Variants in SLC39A10 observed in about 807,000 individuals in gnomAD.
SLC39A10 encodes the protein zinc transporter ZIP10.
Under a neutral mutation model 65.1 loss-of-function variants are expected in SLC39A10, and 13 were observed. The ratio of observed to expected loss-of-function variants is 0.20; its 90% CI spans 0.13 to 0.32. The LOEUF (loss-of-function observed/expected upper bound fraction) is 0.32, where lower values mean the gene tolerates loss of function less well. Ranked by LOEUF, SLC39A10 falls within the 10% of genes least tolerant of loss-of-function variation. SLC39A10 has a pLI of 1.00. For synonymous variants in SLC39A10, 321 were observed against 342.2 expected, an observed-to-expected ratio of 0.94 and a Z score of 0.68; for missense variants, 831 against 1,018.4, an observed-to-expected ratio of 0.82 and a Z score of 2.50.
chr2:195,660,534 A>C (rs1400352538), intron 1 of SLC39A10, among the ~76,000 whole-genome samples: 29 of 152,228 alleles, frequency 1.9e-4, no homozygotes, highest in Admixed American at 1.9e-3. Flanking sequence ...TGTTTAAATT[A>C]CAATTAGATT....
chr2:195,635,356 T>A (rs1688676541), intron 2 of SLC39A10, among the ~76,000 whole-genome samples: 1 of 152,222 alleles, frequency 6.6e-6, no homozygotes, highest in East Asian at 1.9e-4. Flanking sequence ...ATCAATTGGC[T>A]TAATTCAGCA....
intron 1 of SLC39A10, among the ~76,000 whole-genome samples, chr2:195,672,444 G>C (rs1689901867): frequency 6.6e-6 from 1 of 152,042 alleles, no homozygotes; most frequent in African/African-American, 2.4e-5. Flanking sequence ...AAATGATTCT[G>C]AAAGCATACA....
At chr2:195,707,435 A>G (rs1691447218) in intron 4 of SLC39A10, among the ~76,000 whole-genome samples, 1 of 152,032 alleles carries the variant, frequency 6.6e-6, no homozygotes, top group Non-Finnish European at 1.5e-5. Context: ...AACAATGGGG[A>G]TTTTTCTTTT....
chr2:195,730,923 G>GA (rs1692413983), intron 9 of SLC39A10, among the ~76,000 whole-genome samples: 1 of 152,150 alleles, frequency 6.6e-6, no homozygotes, highest in African/African-American at 2.4e-5. Flanking sequence ...TTGTTTGCCA[G>GA]AAAGTCCTGA....
At chr2:195,639,904 T>G (rs986191014) in intron 2 of SLC39A10, among the ~76,000 whole-genome samples, 1 of 152,222 alleles carries the variant, frequency 6.6e-6, no homozygotes, top group Non-Finnish European at 1.5e-5. Flanking sequence ...CATAAATTAT[T>G]TGGAATTCTT....
intron 3 of SLC39A10, among the ~76,000 whole-genome samples, chr2:195,684,711 C>T (rs889024185): frequency 2.0e-5 from 3 of 151,930 alleles, no homozygotes; most frequent in South Asian, 2.1e-4. Flanking sequence ...TCCACTCTGT[C>T]ATAACAATTC....
chr2:195,614,096 A>G (rs1688155392), intron 2 of SLC39A10, among the ~76,000 whole-genome samples: 1 of 152,172 alleles, frequency 6.6e-6, no homozygotes, highest in African/African-American at 2.4e-5. Flanking sequence ...TTGTGAGATC[A>G]TTCATTCTAT....
chr2:195,659,862 C>T (rs1355968379), intron 1 of SLC39A10, among the ~76,000 whole-genome samples: 1 of 152,156 alleles, frequency 6.6e-6, no homozygotes, highest in African/African-American at 2.4e-5. Context: ...TCTCCCTCCA[C>T]TCCCTCCTTG....
rs1260966842 is a variant in SLC39A10, at chr2:195,657,298, G to C, written c.-12+17G>C. On this transcript the variant is annotated intron_variant, in intron 1 of 9. Coordinates refer to ENST00000359634, the MANE Select transcript of SLC39A10 (RefSeq NM_020342.3). ...GAGTGTGAGGTAACTATAAAACCCC[G>C]ATTTGTTTACATTCCCTCCCCCAGA... 13 of 794,726 alleles carry C rather than the reference G, an allele frequency of 1.6e-5. No individual in the cohort carries two copies. Among genetic ancestry groups the C allele is most frequent in the Non-Finnish European group, 1.8e-5 (12 of 655,762 alleles). 49.2% of individuals were successfully genotyped at this position (794,726 alleles called of 1,614,324 possible). A position where few individuals can be genotyped will look rare whatever the true frequency, so the allele number is the denominator to read the frequency against.
At chr2:195,694,668 G>C (rs1212663057) in intron 3 of SLC39A10, among the ~76,000 whole-genome samples, 2 of 152,164 alleles carry the variant, frequency 1.3e-5, no homozygotes, top group African/African-American at 4.8e-5. Context: ...GAGTGAAATG[G>C]ACACTGTGAA....
chr2:195,670,846 T>A (rs1559025402), intron 1 of SLC39A10, among the ~76,000 whole-genome samples: 1 of 152,198 alleles, frequency 6.6e-6, no homozygotes, highest in African/African-American at 2.4e-5. Flanking sequence ...TAAGTATGGA[T>A]GTGTTTCTAG....
intron 1 of SLC39A10, among the ~76,000 whole-genome samples, chr2:195,659,064 A>G (rs1216771344): frequency 6.6e-6 from 1 of 152,216 alleles, no homozygotes; most frequent in African/African-American, 2.4e-5. Context: ...GCTATCAGGT[A>G]TTTCACATCG....
chr2:195,715,504 T>C, intron 6 of SLC39A10, among the ~76,000 whole-genome samples: 1 of 126,552 alleles, frequency 7.9e-6, no homozygotes, highest in African/African-American at 3.1e-5. Flanking sequence ...CCAGCCTGGG[T>C]GACAGAGTGA....
intron 3 of SLC39A10, among the ~76,000 whole-genome samples, chr2:195,684,245 ATTAC>A (rs1402051092): frequency 6.6e-6 from 1 of 152,070 alleles, no homozygotes; most frequent in Non-Finnish European, 1.5e-5. Context: ...TGTTCTTCTA[ATTAC>A]TTAACATTTA....
At chr2:195,642,626 T>C (rs1688834263) in intron 2 of SLC39A10, among the ~76,000 whole-genome samples, 1 of 152,192 alleles carries the variant, frequency 6.6e-6, no homozygotes, top group Non-Finnish European at 1.5e-5. Context: ...TTAAACAGTA[T>C]TTCTCATACC....
intron 9 of SLC39A10, among the ~76,000 whole-genome samples, chr2:195,730,760 T>G (rs530451992): frequency 1.3e-5 from 2 of 152,362 alleles, no homozygotes; most frequent in African/African-American, 4.8e-5. Context: ...GCACTTGACA[T>G]GTTCAGAACA....
intron 1 of SLC39A10, among the ~76,000 whole-genome samples, chr2:195,659,306 A>C (rs750627589): frequency 3.9e-5 from 6 of 152,192 alleles, no homozygotes; most frequent in Non-Finnish European, 8.8e-5. Flanking sequence ...AACCTATACT[A>C]GTTCTTACTG....
chr2:195,621,575 G>A (rs1028969047), intron 2 of SLC39A10, among the ~76,000 whole-genome samples: 1 of 152,134 alleles, frequency 6.6e-6, no homozygotes, highest in African/African-American at 2.4e-5. Context: ...CAAATACTTT[G>A]AAGCTTCCCT....
Position 195,680,710 on chromosome 2 carries a change from A to C in SLC39A10, c.668A>C (p.Gln223Pro). The C allele has an allele frequency of 6.2e-7, 1 of 1,614,162 alleles. No individual in the cohort carries two copies. The highest frequency in any genetic ancestry group is 1.1e-5 in the South Asian group (1 of 91,082). Residue 223 changes from glutamine to proline, a missense_variant, in exon 2 of 10, where the codon CAA becomes CCA. This residue lies in a region of SLC39A10 where 446 missense variants were observed against 499.2 expected (regional missense o/e 0.89). Coordinates refer to ENST00000359634, the MANE Select transcript of SLC39A10 (RefSeq NM_020342.3). ...ACAGAGACCAATAAAACCCAGGAAC[A>C]ATCTGATGTTAAACTACCGAAAGGA... ...PSTETNKTQE[Q>P]SDVKLPKGKR...
Sources: gnomAD v4.1 joint callset for allele counts (sites outside exome capture counted in the v4.1 genomes callset) on GRCh38, gnomAD v4.1.1 for gene constraint, gnomAD v4.1.1 regional missense constraint, MANE v1.5 for transcripts, NCBI Gene and HGNC (gene_info 2026-07-23, HGNC 2026-07-21) for gene names.